The following RABGAP1L variants were observed in gnomAD, a reference collection of about 807,000 sequenced individuals.
RABGAP1L encodes rab GTPase-activating protein 1-like.
A neutral mutation model predicts 137.7 loss-of-function variants in RABGAP1L; 63 were observed. The ratio of observed to expected loss-of-function variants is 0.46; its 90% CI spans 0.37 to 0.56. The LOEUF is 0.56. Ranked by LOEUF, RABGAP1L falls within the 20% of genes least tolerant of loss-of-function variation. The pLI is 0.00. For missense variants in RABGAP1L, 1,095 were observed against 1,244.0 expected, an observed-to-expected ratio of 0.88 and a Z score of 1.80; for synonymous variants, 431 against 433.7, an observed-to-expected ratio of 0.99 and a Z score of 0.08.
chr1:174,808,658 C>CTT (rs531245667), intron 18 of RABGAP1L, among the ~76,000 whole-genome samples: 2 of 143,412 alleles, frequency 1.4e-5, no homozygotes, highest in African/African-American at 5.1e-5. Flanking sequence ...TTCTTTCTTT[C>CTT]TTTTTTTTTT....
chr1:174,760,501 T>G (rs936160279), intron 18 of RABGAP1L, among the ~76,000 whole-genome samples: 3 of 152,242 alleles, frequency 2.0e-5, no homozygotes, highest in African/African-American at 7.2e-5. Context: ...GCAAAGGACA[T>G]GATCTCATTC....
intron 13 of RABGAP1L, among the ~76,000 whole-genome samples, chr1:174,625,322 A>G (rs539128219): frequency 4.1e-4 from 63 of 152,328 alleles, no homozygotes; most frequent in African/African-American, 1.4e-3. Context: ...ATAGTGCCTG[A>G]TTCTTAGTAA....
intron 15 of RABGAP1L, among the ~76,000 whole-genome samples, chr1:174,695,687 T>A (rs1679196963): frequency 3.3e-5 from 5 of 152,202 alleles, no homozygotes. Context: ...TATCTGGGCA[T>A]TGAAAAGTTA....
intron 17 of RABGAP1L, among the ~76,000 whole-genome samples, chr1:174,740,628 T>C (rs919346561): frequency 6.6e-6 from 1 of 152,202 alleles, no homozygotes; most frequent in Admixed American, 6.5e-5. Context: ...ATGGTAATTA[T>C]ATTTTTATTT....
At chr1:174,434,985 A>G (rs1463407473) in intron 13 of RABGAP1L, among the ~76,000 whole-genome samples, 1 of 152,066 alleles carries the variant, frequency 6.6e-6, no homozygotes, top group Non-Finnish European at 1.5e-5. Flanking sequence ...ATTTTATTAA[A>G]CTTTTTTATA....
chr1:174,161,907 A>G (rs1417469875), intron 1 of RABGAP1L, among the ~76,000 whole-genome samples: 1 of 151,816 alleles, frequency 6.6e-6, no homozygotes, highest in African/African-American at 2.4e-5. Context: ...TTTTTGTTTT[A>G]TTTTTGTAGA....
At chr1:174,876,264 T>C (rs1054566181) in intron 19 of RABGAP1L, among the ~76,000 whole-genome samples, 5 of 152,172 alleles carry the variant, frequency 3.3e-5, no homozygotes, top group Non-Finnish European at 7.4e-5. Context: ...TGAAATGTTT[T>C]ATTTCAACTT....
intron 7 of RABGAP1L, among the ~76,000 whole-genome samples, chr1:174,270,171 A>C (rs927467466): frequency 5.3e-5 from 8 of 151,182 alleles, no homozygotes; most frequent in African/African-American, 1.7e-4. Flanking sequence ...GCTTTCTCTA[A>C]GGTCATGCTG....
At chr1:174,718,748 C>T (rs1681225739) in intron 17 of RABGAP1L, among the ~76,000 whole-genome samples, 2 of 151,910 alleles carry the variant, frequency 1.3e-5, no homozygotes, top group Non-Finnish European at 2.9e-5. Flanking sequence ...GATGAAACTA[C>T]AGCCACAGCC....
chr1:174,632,426 C>T (rs1333618942), intron 13 of RABGAP1L, among the ~76,000 whole-genome samples: 2 of 148,530 alleles, frequency 1.3e-5, no homozygotes, highest in Non-Finnish European at 3.0e-5. Context: ...TTTCCTGAAT[C>T]TGAATGTTGG....
intron 1 of RABGAP1L, among the ~76,000 whole-genome samples, chr1:174,188,887 A>T (rs182695612): frequency 6.6e-6 from 1 of 152,222 alleles, no homozygotes; most frequent in Non-Finnish European, 1.5e-5. Flanking sequence ...TGGGATATGA[A>T]CATTGGCTAC....
In RABGAP1L at chr1:174,621,975, A is replaced by C. The variant is rs751603364; in HGVS notation, c.1711-15400A>C. 2.6e-5 allele frequency among the ~76,000 whole-genome samples: 4 copies of C among 151,984 alleles called. No homozygotes were observed. The East Asian group carries it at 5.8e-4, about 22-fold the overall frequency. ...CTCATCTGACAAAGGGCTAATATCC[A>C]GAATCTACAATGAACTCTAACAAAT... is the stretch of plus-strand genomic sequence containing the variant. On this transcript the variant is annotated intron_variant, in intron 13 of 25. Coordinates refer to ENST00000681986, the MANE Select transcript of RABGAP1L (RefSeq NM_001366446.1).
intron 11 of RABGAP1L, among the ~76,000 whole-genome samples, chr1:174,317,018 C>T (rs1679437785): frequency 6.6e-6 from 1 of 151,920 alleles, no homozygotes; most frequent in South Asian, 2.1e-4. Flanking sequence ...TGCTTCCTGG[C>T]CTGGGACTCA....
At chr1:174,259,245 C>A (rs2148622813) in intron 7 of RABGAP1L, among the ~76,000 whole-genome samples, 1 of 152,264 alleles carries the variant, frequency 6.6e-6, no homozygotes, top group South Asian at 2.1e-4. Flanking sequence ...TTGTTTATCC[C>A]AGAATCCCCA....
intron 13 of RABGAP1L, among the ~76,000 whole-genome samples, chr1:174,603,635 G>A (rs1186619378): frequency 2.0e-5 from 3 of 152,016 alleles, no homozygotes; most frequent in Admixed American, 6.6e-5. Flanking sequence ...AGAGCCTGTT[G>A]TAATGGCCAC....
chr1:174,405,516 A>G (rs1055094889), intron 13 of RABGAP1L, among the ~76,000 whole-genome samples: 3 of 152,242 alleles, frequency 2.0e-5, no homozygotes, highest in Admixed American at 2.0e-4. Flanking sequence ...TATAAAAACC[A>G]CATTACTGAT....
At chr1:174,262,191 T>C (rs1373992375) in intron 7 of RABGAP1L, among the ~76,000 whole-genome samples, 1 of 152,204 alleles carries the variant, frequency 6.6e-6, no homozygotes, top group Non-Finnish European at 1.5e-5. Flanking sequence ...ACTGGAAGCT[T>C]CTATCTGACT....
intron 13 of RABGAP1L, chr1:174,548,394 A>G (rs1337218741): frequency 1.4e-5 from 14 of 985,766 alleles, no homozygotes; most frequent in African/African-American, 1.7e-5. Flanking sequence ...ATTTAAAACT[A>G]TAAGTGGAAA....
At chr1:174,475,798 A>AG (rs1274883745) in intron 13 of RABGAP1L, among the ~76,000 whole-genome samples, 1 of 143,306 alleles carries the variant, frequency 7.0e-6, no homozygotes, top group African/African-American at 2.7e-5. Context: ...AAAAAAAAAA[A>AG]GGTCAGATCT....
Sources: gnomAD v4.1 joint callset for allele counts (sites outside exome capture counted in the v4.1 genomes callset) on GRCh38, gnomAD v4.1.1 for gene constraint, MANE v1.5 for transcripts, NCBI Gene and HGNC (gene_info 2026-07-23, HGNC 2026-07-21) for gene names.